The following NAALADL2 variants were observed in gnomAD, a reference collection of about 807,000 sequenced individuals.
The protein encoded by NAALADL2 is N-acetylated alpha-linked acidic dipeptidase like 2.
Under a neutral mutation model 87.2 loss-of-function variants are expected in NAALADL2, and 76 were observed. That is an observed-to-expected ratio of 0.87 (90% CI 0.72 to 1.05). NAALADL2 has a LOEUF of 1.05. Ranked by LOEUF, NAALADL2 falls within the 50% of genes least tolerant of loss-of-function variation. The pLI is 0.00. For synonymous variants in NAALADL2, 354 were observed against 331.0 expected, an observed-to-expected ratio of 1.07 and a Z score of -0.75; for missense variants, 1,089 against 945.8, an observed-to-expected ratio of 1.15 and a Z score of -1.99.
At chr3:175,074,848 T>C (rs989145921) in intron 1 of NAALADL2, among the ~76,000 whole-genome samples, 14 of 151,954 alleles carry the variant, frequency 9.2e-5, no homozygotes, top group Admixed American at 5.9e-4. Context: ...CTTTCTACTA[T>C]TATGTTAGTT....
At position 175,096,349 on chromosome 3, in the gene NAALADL2, G is replaced by A. The variant is rs528436098; in HGVS notation, c.44-441G>A. ...TTTTTTCCCTTTAACTTACCAAATC[G>A]CAGCTTTATTACTTTTGCCTTTAAT... On this transcript the variant is annotated intron_variant, in intron 1 of 13. Coordinates refer to ENST00000454872, the MANE Select transcript of NAALADL2 (RefSeq NM_207015.3). Among the ~76,000 whole-genome samples the A allele has an allele frequency of 1.1e-4, 17 of 151,858 alleles. No homozygotes were observed. The South Asian group carries it at 2.9e-3, about 26-fold the overall frequency.
chr3:175,699,854 C>T (rs1490887225), intron 11 of NAALADL2, among the ~76,000 whole-genome samples: 2 of 152,016 alleles, frequency 1.3e-5, no homozygotes, highest in Admixed American at 6.6e-5. Context: ...TCCTTTAATA[C>T]TAAGTTTCAA....
chr3:174,925,779 A>G (rs186004705), intron 1 of NAALADL2, among the ~76,000 whole-genome samples: 95 of 152,204 alleles, frequency 6.2e-4, no homozygotes, highest in African/African-American at 2.3e-3. Flanking sequence ...CTCCTTGAAG[A>G]GGTCCTTCAC....
intron 1 of NAALADL2, among the ~76,000 whole-genome samples, chr3:175,058,982 T>G (rs527987376): frequency 2.0e-5 from 3 of 152,200 alleles, no homozygotes; most frequent in Non-Finnish European, 1.5e-5. Flanking sequence ...ATAATCCTCA[T>G]AGTGAATTTA....
chr3:175,136,979 T>C (rs1040461287), intron 2 of NAALADL2, among the ~76,000 whole-genome samples: 3 of 152,220 alleles, frequency 2.0e-5, no homozygotes, highest in African/African-American at 4.8e-5. Flanking sequence ...TTCTGTGTTA[T>C]AGAATTCCCT....
chr3:174,586,824 C>T (rs982946487), intron 2 of NAALADL2, among the ~76,000 whole-genome samples: 1 of 151,988 alleles, frequency 6.6e-6, no homozygotes, highest in African/African-American at 2.4e-5. Flanking sequence ...AGGTATGCAA[C>T]TTTCAGAGAT....
At chr3:174,793,711 C>T (rs142451084) in intron 3 of NAALADL2, among the ~76,000 whole-genome samples, 13 of 152,154 alleles carry the variant, frequency 8.5e-5, no homozygotes, top group African/African-American at 2.2e-4. Flanking sequence ...TATTTATTCC[C>T]GTGGCTATCT....
At chr3:174,736,943 T>C (rs1489513648) in intron 2 of NAALADL2, among the ~76,000 whole-genome samples, 1 of 152,160 alleles carries the variant, frequency 6.6e-6, no homozygotes, top group Non-Finnish European at 1.5e-5. Context: ...TGATTGTGTG[T>C]CAGTGCTGCC....
At chr3:174,546,367 T>C (rs116362580) in intron 1 of NAALADL2, among the ~76,000 whole-genome samples, 163 of 152,296 alleles carry the variant, frequency 1.1e-3, no homozygotes, top group African/African-American at 3.7e-3. Flanking sequence ...CTCTTTTGTT[T>C]GGAGGAGGTG....
At chr3:175,169,240 A>G (rs1203892719) in intron 2 of NAALADL2, among the ~76,000 whole-genome samples, 1 of 151,736 alleles carries the variant, frequency 6.6e-6, no homozygotes, top group East Asian at 1.9e-4. Context: ...TCATCAGTTT[A>G]CTAAATACTT....
Position 175,805,621 on chromosome 3 carries a change from T to C in NAALADL2, c.*2418T>C. On this transcript the variant is annotated 3_prime_UTR_variant, in exon 14 of 14. Coordinates refer to ENST00000454872, the MANE Select transcript of NAALADL2 (RefSeq NM_207015.3). ...CCCACCCCCAATAGATTCAAATAAA[T>C]AAAATCCTGAGCAAATTAATAGCAA... is the stretch of plus-strand genomic sequence containing the variant. 1 of 149,242 alleles carries C rather than the reference T, an allele frequency of 6.7e-6. No homozygotes were observed. The highest frequency in any genetic ancestry group is 2.0e-4 in the East Asian group (1 of 4,930). 9.2% of individuals were successfully genotyped at this position (149,242 alleles called of 1,614,324 possible).
chr3:174,616,166 T>C (rs572106781), intron 2 of NAALADL2, among the ~76,000 whole-genome samples: 26 of 151,876 alleles, frequency 1.7e-4, no homozygotes, highest in Non-Finnish European at 2.7e-4. Context: ...TCGTTGATGT[T>C]GTAAATCTAT....
chr3:175,210,245 A>G (rs1265080782), intron 2 of NAALADL2, among the ~76,000 whole-genome samples: 1 of 151,814 alleles, frequency 6.6e-6, no homozygotes, highest in Non-Finnish European at 1.5e-5. Context: ...ATGAAAGGAT[A>G]TATATAAAAT....
Position 174,765,143 on chromosome 3 carries a change from C to CACATGAGA in NAALADL2, c.-9+27397_-9+27398insACATGAGA, listed in dbSNP as rs150906568. Among the ~76,000 whole-genome samples, 299 of 124,634 alleles carry CACATGAGA rather than the reference C, an allele frequency of 2.4e-3. 2 individuals carry two copies. The highest frequency in any genetic ancestry group is 9.4e-3 in the African/African-American group (279 of 29,712). 81.8% of individuals were successfully genotyped at this position (124,634 alleles called of 152,430 possible). A position where few individuals can be genotyped will look rare whatever the true frequency, so the allele number is the denominator to read the frequency against. ...ACACATACACACACACACACACACA[C>CACATGAGA]GAGAGAGAGAGAGAGAGAGAGAGAG... is the stretch of plus-strand genomic sequence containing the variant. On this transcript the variant is annotated intron_variant, in intron 3 of 3. Transcript: ENST00000434257.
At chr3:175,024,416 AG>A (rs1178648813) in intron 1 of NAALADL2, among the ~76,000 whole-genome samples, 1 of 152,142 alleles carries the variant, frequency 6.6e-6, no homozygotes, top group Non-Finnish European at 1.5e-5. Context: ...AAATGCAAAA[AG>A]GGCAAAGCGG....
chr3:175,525,584 T>C (rs561988815), intron 9 of NAALADL2, among the ~76,000 whole-genome samples: 2 of 146,734 alleles, frequency 1.4e-5, no homozygotes, highest in African/African-American at 5.2e-5. Flanking sequence ...TGAAAAAGGA[T>C]TTTTTTTTTG....
intron 1 of NAALADL2, among the ~76,000 whole-genome samples, chr3:175,094,900 C>T (rs1449800044): frequency 6.6e-6 from 1 of 151,730 alleles, no homozygotes; most frequent in Non-Finnish European, 1.5e-5. Context: ...AGAAATGTTC[C>T]TTCTAACTCA....
intron 2 of NAALADL2, among the ~76,000 whole-genome samples, chr3:175,107,499 C>T (rs954119099): frequency 4.2e-5 from 6 of 143,402 alleles, no homozygotes; most frequent in African/African-American, 8.3e-5. Flanking sequence ...TACACAAGCA[C>T]GAACACACAC....
chr3:175,662,590 T>A (rs1732416974), intron 11 of NAALADL2, among the ~76,000 whole-genome samples: 1 of 151,902 alleles, frequency 6.6e-6, no homozygotes, highest in Non-Finnish European at 1.5e-5. Context: ...AAGGCTTTCA[T>A]TTTTTTCCAC....
Sources: gnomAD v4.1 joint callset for allele counts (sites outside exome capture counted in the v4.1 genomes callset) on GRCh38, gnomAD v4.1.1 for gene constraint, MANE v1.5 for transcripts, NCBI Gene and HGNC (gene_info 2026-07-23, HGNC 2026-07-21) for gene names.